SORCS2: variants seen among roughly 807,000 people sequenced by gnomAD.
SORCS2 encodes the protein sortilin related VPS10 domain containing receptor 2.
SORCS2 carries 100 observed loss-of-function variants against 141.6 expected under a neutral mutation model. That is an observed-to-expected ratio of 0.71 (90% CI 0.60 to 0.83). The LOEUF (loss-of-function observed/expected upper bound fraction) is 0.83. SORCS2 is among the 40% of genes least tolerant of loss of function. The pLI, the probability that SORCS2 is intolerant of heterozygous loss-of-function variation, is 0.00. For missense variants in SORCS2, 1,646 were observed against 1,560.2 expected, an observed-to-expected ratio of 1.05 and a Z score of -0.93; for synonymous variants, 789 against 676.9, an observed-to-expected ratio of 1.17 and a Z score of -2.57.
At chr4:7,605,354 C>T (rs891684017) in intron 3 of SORCS2, among the ~76,000 whole-genome samples, 19 of 152,126 alleles carry the variant, frequency 1.2e-4, no homozygotes, top group East Asian at 3.9e-4. Flanking sequence ...GGAGGTTAGA[C>T]GGTGCAGTCT....
At chr4:7,560,073 G>C (rs1714425412) in intron 3 of SORCS2, among the ~76,000 whole-genome samples, 1 of 152,214 alleles carries the variant, frequency 6.6e-6, no homozygotes, top group African/African-American at 2.4e-5. Context: ...GGGGATAGGC[G>C]ACAGTCTGAA....
intron 4 of SORCS2, among the ~76,000 whole-genome samples, chr4:7,650,176 G>C (rs891717112): frequency 3.9e-5 from 6 of 152,186 alleles, no homozygotes; most frequent in Non-Finnish European, 7.3e-5. Flanking sequence ...GGTCTGACAG[G>C]GGGTGACCCT....
intron 1 of SORCS2, among the ~76,000 whole-genome samples, chr4:7,198,624 G>C (rs888393694): frequency 1.6e-4 from 24 of 152,218 alleles, no homozygotes; most frequent in Admixed American, 8.5e-4. Flanking sequence ...CATCACCAAG[G>C]GTGTCCAGCG....
At chr4:7,330,349 A>G (rs919275631) in intron 1 of SORCS2, among the ~76,000 whole-genome samples, 1 of 152,086 alleles carries the variant, frequency 6.6e-6, no homozygotes, top group Non-Finnish European at 1.5e-5. Context: ...GATTCAGCGT[A>G]TCACAAAGAG....
chr4:7,603,121 C>T (rs115678088), intron 3 of SORCS2, among the ~76,000 whole-genome samples: 1 of 151,752 alleles, frequency 6.6e-6, no homozygotes, highest in Non-Finnish European at 1.5e-5. Flanking sequence ...ACAGTTCAGC[C>T]TCCGCTCGGC....
At chr4:7,264,670 G>A (rs983343499) in intron 1 of SORCS2, among the ~76,000 whole-genome samples, 3 of 152,172 alleles carry the variant, frequency 2.0e-5, no homozygotes, top group Non-Finnish European at 4.4e-5. Context: ...AGCTCTTGCC[G>A]GCCCTGGGGC....
intron 1 of SORCS2, among the ~76,000 whole-genome samples, chr4:7,358,650 G>T (rs528197623): frequency 6.6e-6 from 1 of 152,242 alleles, no homozygotes; most frequent in East Asian, 1.9e-4. Flanking sequence ...TCACAGATGC[G>T]GATCTCAATC....
intron 2 of SORCS2, chr4:7,433,798 T>G: frequency 6.2e-7 from 1 of 1,613,648 alleles, no homozygotes; most frequent in African/African-American, 1.3e-5. Context: ...ACGGATGAAC[T>G]TGCACACCTT....
At chr4:7,501,225 G>T (rs1390840785) in intron 2 of SORCS2, among the ~76,000 whole-genome samples, 1 of 152,086 alleles carries the variant, frequency 6.6e-6, no homozygotes, top group Non-Finnish European at 1.5e-5. Flanking sequence ...TCACCCGCTC[G>T]GTCCCACGCC....
At chr4:7,210,073 G>T (rs555023266) in intron 1 of SORCS2, among the ~76,000 whole-genome samples, 1 of 152,322 alleles carries the variant, frequency 6.6e-6, no homozygotes, top group South Asian at 2.1e-4. Context: ...ATGCATGTGT[G>T]ATGGGGGCCT....
At chr4:7,710,074 T>C (rs1725724344) in intron 14 of SORCS2, among the ~76,000 whole-genome samples, 1 of 152,306 alleles carries the variant, frequency 6.6e-6, no homozygotes, top group East Asian at 1.9e-4. Flanking sequence ...TTCAGGGACA[T>C]GCAGGGGGTT....
chr4:7,725,346 A>G (rs1465744426), intron 20 of SORCS2, 59 bp downstream of exon 20: 2 of 1,562,354 alleles, frequency 1.3e-6, no homozygotes, highest in Non-Finnish European at 1.7e-6. Flanking sequence ...CAAGCTGCAC[A>G]GTGGGGCAGA....
At chr4:7,511,710 T>C (rs7685329) in intron 2 of SORCS2, among the ~76,000 whole-genome samples, 62,053 of 151,938 alleles carry the variant, frequency 0.41, 13,987 homozygotes, top group African/African-American at 0.57. Flanking sequence ...CTGCTGCAGC[T>C]TGTTTCCTCC....
At chr4:7,428,912 G>A (rs931297985) in intron 2 of SORCS2, among the ~76,000 whole-genome samples, 1 of 152,144 alleles carries the variant, frequency 6.6e-6, no homozygotes, top group African/African-American at 2.4e-5. Flanking sequence ...CCCCAGGAAG[G>A]CACCTCTTCA....
intron 1 of SORCS2, among the ~76,000 whole-genome samples, chr4:7,367,770 C>G (rs1045780178): frequency 2.0e-5 from 3 of 152,204 alleles, no homozygotes; most frequent in Non-Finnish European, 2.9e-5. Context: ...TTTAAATAAA[C>G]TCGGGGAAGT....
chr4:7,344,922 G>A (rs982320435), intron 1 of SORCS2, among the ~76,000 whole-genome samples: 9 of 152,074 alleles, frequency 5.9e-5, no homozygotes, highest in African/African-American at 2.2e-4. Flanking sequence ...GTGCTGTGCA[G>A]CTCTGGGGGC....
At chr4:7,693,067 TGCCGGTGGCGGGTTCTTCCC>T (rs1267572678) in intron 11 of SORCS2, among the ~76,000 whole-genome samples, 1 of 152,086 alleles carries the variant, frequency 6.6e-6, no homozygotes, top group African/African-American at 2.4e-5. Flanking sequence ...TGGCCGAGGG[TGCCGGTGGCGGGTTCTTCCC>T]GACTGGGCGT....
At chr4:7,695,315 G>A in intron 11 of SORCS2, among the ~76,000 whole-genome samples, 3 of 57,342 alleles carry the variant, frequency 5.2e-5, no homozygotes, top group Non-Finnish European at 1.1e-4. Context: ...TGAATGGGTG[G>A]GTGGGTGGAT....
chr4:7,494,422 G>T (rs914487419), intron 2 of SORCS2, among the ~76,000 whole-genome samples: 8 of 152,166 alleles, frequency 5.3e-5, no homozygotes, highest in Non-Finnish European at 1.0e-4. Flanking sequence ...TCTTAATTCT[G>T]GAGGCTGGAA....
Sources: allele counts gnomAD v4.1 joint callset (sites outside exome capture counted in the v4.1 genomes callset), GRCh38; gene constraint gnomAD v4.1.1; transcripts MANE v1.5; gene names NCBI Gene and HGNC (gene_info 2026-07-23, HGNC 2026-07-21).